ALK: variants seen among roughly 807,000 people sequenced by gnomAD.
The protein encoded by ALK is ALK receptor tyrosine kinase, also known as ALK tyrosine kinase receptor.
Under a neutral mutation model 163.1 loss-of-function variants are expected in ALK, and 74 were observed. The observed-to-expected ratio is 0.45, with a 90% CI of 0.38 to 0.55. ALK has a LOEUF of 0.55. Among genes scored for constraint, ALK ranks in the 20% least tolerant of loss-of-function variants. The pLI is 0.00. For missense variants in ALK, 2,063 were observed against 2,105.3 expected (o/e 0.98, Z 0.39); for synonymous variants, 960 against 843.2 (o/e 1.14, Z -2.40).
intron 1 of ALK, among the ~76,000 whole-genome samples, chr2:29,846,354 G>A (rs941461425): frequency 2.2e-4 from 34 of 152,122 alleles, no homozygotes; most frequent in Admixed American, 6.6e-4. Context: ...CTAGAACCCC[G>A]TTTTATTTTC....
intron 5 of ALK, among the ~76,000 whole-genome samples, chr2:29,337,529 C>T (rs529161894): frequency 2.6e-5 from 4 of 152,324 alleles, no homozygotes; most frequent in East Asian, 1.9e-4. Flanking sequence ...CAGAACCACG[C>T]AGGAGCTTCC....
chr2:29,211,071 T>C (rs1455874218), intron 24 of ALK, among the ~76,000 whole-genome samples: 1 of 152,178 alleles, frequency 6.6e-6, no homozygotes, highest in Non-Finnish European at 1.5e-5. Flanking sequence ...GTTCTGATCC[T>C]AGGTTGAGAA....
intron 3 of ALK, among the ~76,000 whole-genome samples, chr2:29,578,751 T>C (rs539675426): frequency 2.2e-4 from 34 of 152,334 alleles, no homozygotes; most frequent in African/African-American, 7.9e-4. Flanking sequence ...GTTGATTTCA[T>C]GTCCACGTTT....
At chr2:29,890,477 A>G (rs1667114654) in intron 1 of ALK, 1 of 152,174 alleles carries the variant, frequency 6.6e-6, no homozygotes, top group African/African-American at 2.4e-5. Context: ...CTCAAAACAA[A>G]CATTTTAGGG....
intron 1 of ALK, among the ~76,000 whole-genome samples, chr2:29,729,212 G>T (rs1409368679): frequency 6.6e-6 from 1 of 152,196 alleles, no homozygotes; most frequent in Non-Finnish European, 1.5e-5. Context: ...TCTGGGTCAC[G>T]GATAAGCCCT....
At chr2:29,200,822 T>C (rs1669156674) in intron 26 of ALK, among the ~76,000 whole-genome samples, 1 of 147,538 alleles carries the variant, frequency 6.8e-6, no homozygotes, top group Admixed American at 6.8e-5. Flanking sequence ...TATATACATA[T>C]ATACGTATAT....
At chr2:29,196,706 A>G (rs1385826489) in intron 28 of ALK, 64 bp downstream of exon 28, 4 of 1,172,528 alleles carry the variant, frequency 3.4e-6, no homozygotes, top group South Asian at 1.2e-5. Flanking sequence ...ATATTTCGGT[A>G]TTTGCCATCT....
intron 4 of ALK, among the ~76,000 whole-genome samples, chr2:29,490,542 G>T (rs1034824326): frequency 1.3e-5 from 2 of 152,070 alleles, no homozygotes; most frequent in Admixed American, 1.3e-4. Flanking sequence ...GGTGATGGTG[G>T]GTGTGGGGAG....
chr2:29,397,150 G>A (rs1310873117), intron 4 of ALK, among the ~76,000 whole-genome samples: 2 of 152,110 alleles, frequency 1.3e-5, no homozygotes, highest in African/African-American at 2.4e-5. Context: ...GTGACTTTAT[G>A]TGATAACAGG....
At chr2:29,580,747 C>T (rs759066448) in intron 3 of ALK, among the ~76,000 whole-genome samples, 4 of 152,186 alleles carry the variant, frequency 2.6e-5, no homozygotes, top group East Asian at 3.8e-4. Context: ...TGAACAAAAA[C>T]GGGCCCTGAC....
rs377739834 is a variant in ALK at position 29,357,271 on chromosome 2, A to G, written c.1282+26461T>C. Among the ~76,000 whole-genome samples, 12 of 152,286 alleles carry G rather than the reference A, an allele frequency of 7.9e-5. 1 individual carries two copies. The highest frequency in any genetic ancestry group is 2.9e-4 in the African/African-American group (12 of 41,556). On this transcript the variant is annotated intron_variant, in intron 5 of 28. Transcript: ENST00000389048. Reference sequence around the variant, plus strand: ...GATTAGTGGTGACAATGCAGACACTAGTTAGTTCTTTGCCCTCATCTCCTC... The same window carrying G: ...GATTAGTGGTGACAATGCAGACACTGGTTAGTTCTTTGCCCTCATCTCCTC...
intron 5 of ALK, among the ~76,000 whole-genome samples, chr2:29,376,283 G>A (rs796896107): frequency 2.0e-5 from 3 of 152,312 alleles, no homozygotes; most frequent in African/African-American, 7.2e-5. Context: ...TTTAACCATT[G>A]AGCCGCATTT....
At chr2:29,283,463 G>T (rs148068569) in intron 9 of ALK, among the ~76,000 whole-genome samples, 2 of 152,184 alleles carry the variant, frequency 1.3e-5, no homozygotes, top group Non-Finnish European at 2.9e-5. Context: ...GTTGGCTTGC[G>T]GCTTGGGGAG....
intron 4 of ALK, among the ~76,000 whole-genome samples, chr2:29,423,460 C>G (rs1271640756): frequency 6.6e-6 from 1 of 152,232 alleles, no homozygotes; most frequent in African/African-American, 2.4e-5. Context: ...GATCACGCCA[C>G]AGGTGGCCTT....
In ALK at chr2:29,318,164, A is replaced by G. The variant is rs993865988; in HGVS notation, c.1647+140T>C. On this transcript the variant is annotated intron_variant, in intron 8 of 28. Transcript: ENST00000389048. ...TGTTGATGGACATGCTCTGCCTCGA[A>G]GATGGCAGAGGTGGCCCTCTTGTTC... The G allele has an allele frequency of 5.5e-6, 4 of 722,300 alleles. No homozygotes were observed. The African/African-American group carries it at 7.0e-5, about 13-fold the overall frequency. 44.7% of individuals were successfully genotyped at this position (722,300 alleles called of 1,614,324 possible).
intron 3 of ALK, among the ~76,000 whole-genome samples, chr2:29,559,888 T>C (rs1673974242): frequency 6.6e-6 from 1 of 152,044 alleles, no homozygotes. Flanking sequence ...TGTGCCATAG[T>C]GACCTCAGCC....
intron 5 of ALK, among the ~76,000 whole-genome samples, chr2:29,337,584 A>G (rs937283485): frequency 6.6e-6 from 1 of 152,070 alleles, no homozygotes; most frequent in Non-Finnish European, 1.5e-5. Flanking sequence ...CTGGGTGGGG[A>G]GCTTGGAAAA....
In ALK at chr2:29,296,766, G is replaced by A. The variant is rs1351351015; in HGVS notation, c.1817+122C>T. ...GCACGTGCGTGCACGCGCACATATC[G>A]GTGTGTGGGCACATCTGCATGTGTG... On this transcript the variant is annotated intron_variant, in intron 9 of 28. Coordinates refer to ENST00000389048, the MANE Select transcript of ALK (RefSeq NM_004304.5). 66 of 1,150,684 alleles carry A rather than the reference G, an allele frequency of 5.7e-5. No individual in the cohort carries two copies. The South Asian group carries it at 7.0e-4, about 12-fold the overall frequency. The allele number at this position is 1,150,684 out of a possible 1,614,324, so 71.3% of individuals were successfully genotyped here. A position where few individuals can be genotyped will look rare whatever the true frequency, so the allele number is the denominator to read the frequency against.
At chr2:29,835,954 C>G (rs914613131) in intron 1 of ALK, among the ~76,000 whole-genome samples, 15 of 152,130 alleles carry the variant, frequency 9.9e-5, no homozygotes, top group African/African-American at 3.6e-4. Flanking sequence ...TGAAAATGGA[C>G]TAATATAGTC....
Sources: gnomAD v4.1 joint callset for allele counts (sites outside exome capture counted in the v4.1 genomes callset) on GRCh38, gnomAD v4.1.1 for gene constraint, MANE v1.5 for transcripts, NCBI Gene and HGNC (gene_info 2026-07-23, HGNC 2026-07-21) for gene names.